Variants in LGSN observed in about 807,000 individuals in gnomAD.
LGSN encodes lengsin, lens protein with glutamine synthetase domain.
Under a neutral mutation model 19.5 loss-of-function variants are expected in LGSN, and 21 were observed. The observed-to-expected ratio is 1.07, with a 90% confidence interval of 0.76 to 1.55. The LOEUF is 1.55. Among genes scored for constraint, LGSN ranks in the 40% most tolerant of loss-of-function variants. The probability of loss-of-function intolerance (pLI) is 0.00; values close to 1 mark genes in which losing one functional copy is unlikely to be tolerated. For synonymous variants in LGSN, 257 were observed against 215.6 expected (o/e 1.19, Z -1.68); for missense variants, 673 against 608.5 (o/e 1.11, Z -1.12).
the LGSN span, among the ~76,000 whole-genome samples, chr6:63,361,774 G>T: frequency 6.6e-6 from 1 of 152,120 alleles, no homozygotes; most frequent in Admixed American, 6.5e-5. Context: ...GGCTGGAGCT[G>T]TTCCTATTCG....
the LGSN span, among the ~76,000 whole-genome samples, chr6:63,560,971 T>A: frequency 6.6e-6 from 1 of 152,334 alleles, no homozygotes; most frequent in African/African-American, 2.4e-5. Flanking sequence ...TCACTTTTAC[T>A]AAACTCATGG....
the LGSN span, among the ~76,000 whole-genome samples, chr6:63,417,214 C>A: frequency 6.6e-6 from 1 of 151,494 alleles, no homozygotes; most frequent in African/African-American, 2.4e-5. Context: ...AATACTTCTT[C>A]CCCCCAGCTG....
chr6:63,340,546 T>C, the LGSN span, among the ~76,000 whole-genome samples: 2 of 152,002 alleles, frequency 1.3e-5, no homozygotes, highest in South Asian at 4.1e-4. Context: ...ATCTAGTCTA[T>C]TGTTGAAGCT....
At chr6:63,368,827 T>C in the LGSN span, among the ~76,000 whole-genome samples, 1 of 152,224 alleles carries the variant, frequency 6.6e-6, no homozygotes, top group Non-Finnish European at 1.5e-5. Context: ...GCAAAATACA[T>C]ATTTGCATAC....
At chr6:63,340,394 CA>C in the LGSN span, among the ~76,000 whole-genome samples, 450 of 152,196 alleles carry the variant, frequency 3.0e-3, 3 homozygotes, top group African/African-American at 0.01. Context: ...CTGAAACTCC[CA>C]AAATTAAATA....
chr6:63,413,808 T>A, the LGSN span, among the ~76,000 whole-genome samples: 1 of 152,208 alleles, frequency 6.6e-6, no homozygotes, highest in Non-Finnish European at 1.5e-5. Context: ...TAGGATAAGA[T>A]AGTAAGTGCA....
chr6:63,400,504 C>T, the LGSN span, among the ~76,000 whole-genome samples: 4 of 152,192 alleles, frequency 2.6e-5, no homozygotes, highest in African/African-American at 7.2e-5. Context: ...TAAATACAGT[C>T]AAGGGCTCCG....
chr6:63,529,604 G>T, the LGSN span, among the ~76,000 whole-genome samples: 283 of 152,124 alleles, frequency 1.9e-3, no homozygotes, highest in Non-Finnish European at 3.3e-3. Context: ...TTAAGAAATT[G>T]CTTTGTTTGC....
intron 2 of LGSN, among the ~76,000 whole-genome samples, chr6:63,289,242 CATCATAT>C: frequency 6.6e-6 from 1 of 152,232 alleles, no homozygotes; most frequent in East Asian, 1.9e-4. Flanking sequence ...TAAAAGTTGT[CATCATAT>C]ATTTTAGTAC....
chr6:63,556,551 C>T, the LGSN span, among the ~76,000 whole-genome samples: 7 of 152,188 alleles, frequency 4.6e-5, no homozygotes, highest in East Asian at 7.7e-4. Flanking sequence ...TTTCTCAGGG[C>T]GTGGTTTCTG....
the LGSN span, among the ~76,000 whole-genome samples, chr6:63,459,198 G>T: frequency 1.5e-3 from 222 of 152,140 alleles, 2 homozygotes; most frequent in African/African-American, 5.1e-3. Context: ...CAGAAATCAG[G>T]GTTTGAAGGT....
the LGSN span, among the ~76,000 whole-genome samples, chr6:63,449,533 G>GA: frequency 2.7e-5 from 4 of 149,008 alleles, no homozygotes; most frequent in Non-Finnish European, 5.9e-5. Flanking sequence ...AACAGAGCGA[G>GA]ACTCCGTCAA....
At chr6:63,412,526 GAAGGAAAGAAAGAAA>G in the LGSN span, among the ~76,000 whole-genome samples, 4 of 77,608 alleles carry the variant, frequency 5.2e-5, no homozygotes, top group Admixed American at 1.5e-4. Context: ...AAGAAAGAAA[GAAGGAAAGAAAGAAA>G]GAAAGAAAGA....
the LGSN span, among the ~76,000 whole-genome samples, chr6:63,342,265 A>G: frequency 6.6e-6 from 1 of 152,158 alleles, no homozygotes; most frequent in Non-Finnish European, 1.5e-5. Context: ...AAATCAACCA[A>G]TTTGATTCTG....
chr6:63,499,093 G>A, the LGSN span, among the ~76,000 whole-genome samples: 1 of 152,120 alleles, frequency 6.6e-6, no homozygotes, highest in Admixed American at 6.5e-5. Flanking sequence ...CATTGTTTAT[G>A]TGATGATTTT....
chr6:63,436,725 G>C, the LGSN span, among the ~76,000 whole-genome samples: 1 of 152,138 alleles, frequency 6.6e-6, no homozygotes, highest in Admixed American at 6.5e-5. Context: ...GAATTCCACA[G>C]TTTTGAAGAA....
At chr6:63,438,467 CTAA>C in the LGSN span, among the ~76,000 whole-genome samples, 1 of 151,930 alleles carries the variant, frequency 6.6e-6, no homozygotes, top group Admixed American at 6.6e-5. Flanking sequence ...TGACTAAGGG[CTAA>C]TATCCAGAAT....
At chr6:63,342,587 C>T in the LGSN span, among the ~76,000 whole-genome samples, 4 of 152,084 alleles carry the variant, frequency 2.6e-5, no homozygotes, top group South Asian at 2.1e-4. Flanking sequence ...TGAACTTGAA[C>T]GTCAGTGTCC....
chr6:63,393,176 G>A, the LGSN span, among the ~76,000 whole-genome samples: 2 of 140,828 alleles, frequency 1.4e-5, no homozygotes, highest in African/African-American at 2.7e-5. Context: ...CTGAGCCACC[G>A]CGCCCAGCCA....
Sources: allele counts gnomAD v4.1 joint callset (sites outside exome capture counted in the v4.1 genomes callset), GRCh38; gene constraint gnomAD v4.1.1; transcripts MANE v1.5; gene names NCBI Gene and HGNC (gene_info 2026-07-23, HGNC 2026-07-21).